PCDHGA1: variants seen among roughly 807,000 people sequenced by gnomAD.
PCDHGA1 encodes protocadherin gamma-A1.
PCDHGA1 carries 32 observed loss-of-function variants against 58.0 expected under a neutral mutation model. That is an observed-to-expected ratio of 0.55 (90% CI 0.42 to 0.74). PCDHGA1 has a LOEUF of 0.74. PCDHGA1 is among the 30% of genes least tolerant of loss of function. The pLI, the probability that PCDHGA1 is intolerant of heterozygous loss-of-function variation, is 0.00. For synonymous variants in PCDHGA1, 498 were observed against 501.1 expected (o/e 0.99, Z 0.08); for missense variants, 1,205 against 1,182.3 (o/e 1.02, Z -0.28).
In PCDHGA1 at chr5:141,414,656, C is replaced by A. The variant is rs1409573217; in HGVS notation, c.2422-80151C>A. The A allele has an allele frequency of 1.2e-5, 20 of 1,614,008 alleles. No individual in the cohort carries two copies. Among genetic ancestry groups the A allele is most frequent in the Non-Finnish European group, 1.7e-5 (20 of 1,179,888 alleles). On this transcript the variant is annotated intron_variant, in intron 1 of 3. Transcript: ENST00000517417. ...AAAGAGAATGCCCAGATTATTTACTCCCTGGCTGAAGACACCATCCAGGGG... is the reference window on the plus strand; with the variant it reads ...AAAGAGAATGCCCAGATTATTTACTACCTGGCTGAAGACACCATCCAGGGG...
At chr5:141,405,632 G>A (rs1487962714) in intron 1 of PCDHGA1, 9 of 530,162 alleles carry the variant, frequency 1.7e-5, no homozygotes, top group African/African-American at 1.2e-4. Flanking sequence ...GTGCCACCAC[G>A]CCCGGCTAAT....
intron 2 of PCDHGA1, among the ~76,000 whole-genome samples, chr5:141,499,314 A>C (rs2099791047): frequency 6.6e-6 from 1 of 152,238 alleles, no homozygotes; most frequent in Non-Finnish European, 1.5e-5. Context: ...TCTGAGAGAC[A>C]GTATCCCTGC....
At chr5:141,404,532 A>G in intron 1 of PCDHGA1, 1 of 1,613,918 alleles carries the variant, frequency 6.2e-7, no homozygotes, top group Non-Finnish European at 8.5e-7. Context: ...CAGTTTAGAG[A>G]TTTGCAAATG....
At chr5:141,355,460 C>A in intron 1 of PCDHGA1, 1 of 1,614,006 alleles carries the variant, frequency 6.2e-7, no homozygotes, top group Non-Finnish European at 8.5e-7. Context: ...TTGGTCACCG[C>A]GGGTAGGATA....
intron 1 of PCDHGA1, chr5:141,364,541 A>C: frequency 6.2e-7 from 1 of 1,614,130 alleles, no homozygotes; most frequent in African/African-American, 1.3e-5. Flanking sequence ...CTCCAGAGGT[A>C]GGACGCAGCT....
chr5:141,367,723 G>A (rs1211855605), intron 1 of PCDHGA1: 2 of 152,102 alleles, frequency 1.3e-5, no homozygotes, highest in Non-Finnish European at 2.9e-5. Flanking sequence ...GCTTCGTTCT[G>A]TGATGTAAAG....
chr5:141,361,059 T>A, intron 1 of PCDHGA1: 1 of 1,613,844 alleles, frequency 6.2e-7, no homozygotes, highest in Non-Finnish European at 8.5e-7. Flanking sequence ...ATGATTTGGA[T>A]TTTGAGATTG....
intron 1 of PCDHGA1, chr5:141,351,950 G>T (rs1343539435): frequency 1.9e-6 from 3 of 1,613,000 alleles, no homozygotes; most frequent in Admixed American, 3.3e-5. Context: ...CCCCGCGCTG[G>T]GGCCTGATGG....
At chr5:141,463,738 G>C (rs1002263384) in intron 1 of PCDHGA1, among the ~76,000 whole-genome samples, 1 of 151,978 alleles carries the variant, frequency 6.6e-6, no homozygotes, top group East Asian at 1.9e-4. Flanking sequence ...GAGCCACCGC[G>C]CCCGGCCTGC....
At position 141,472,488 on chromosome 5, in the gene PCDHGA1, C is replaced by T. The variant is rs183545662; in HGVS notation, c.2422-22319C>T. 4.0e-3 allele frequency among the ~76,000 whole-genome samples: 607 copies of T among 151,768 alleles called. 6 individuals carry two copies. The highest frequency in any genetic ancestry group is 0.011 in the Admixed American group (174 of 15,254). On this transcript the variant is annotated intron_variant, in intron 1 of 3. Coordinates refer to ENST00000517417, the MANE Select transcript of PCDHGA1 (RefSeq NM_018912.3). Reference sequence around the variant, plus strand: ...CCAGAAGGCAGAGCTTGCAGTGAGACGAGATCGTGCCACTGCACTCCAGCC... The same window carrying T: ...CCAGAAGGCAGAGCTTGCAGTGAGATGAGATCGTGCCACTGCACTCCAGCC...
chr5:141,342,531 G>GATT (rs1757175311), intron 1 of PCDHGA1: 1 of 152,080 alleles, frequency 6.6e-6, no homozygotes, highest in African/African-American at 2.4e-5. Context: ...TCTTTCCGTT[G>GATT]CATTTGATCA....
At chr5:141,416,253 A>G (rs1399251065) in intron 1 of PCDHGA1, 1 of 152,312 alleles carries the variant, frequency 6.6e-6, no homozygotes, top group Non-Finnish European at 1.5e-5. Flanking sequence ...AACTGATAAC[A>G]CTGCAGTATC....
intron 1 of PCDHGA1, chr5:141,361,827 C>A: frequency 6.2e-7 from 1 of 1,612,982 alleles, no homozygotes. Flanking sequence ...GGGTGCTGTA[C>A]CCCGCGCTGG....
At chr5:141,352,275 G>A in intron 1 of PCDHGA1, 2 of 1,614,086 alleles carry the variant, frequency 1.2e-6, no homozygotes, top group Non-Finnish European at 1.7e-6. Flanking sequence ...CCAGACCTCA[G>A]CGACCGCCCT....
At chr5:141,385,430 A>G (rs1781192913) in intron 1 of PCDHGA1, 1 of 1,458,668 alleles carries the variant, frequency 6.9e-7, no homozygotes. Context: ...AAAACTTTAT[A>G]GAGGTAAAAA....
chr5:141,384,596 C>G, intron 1 of PCDHGA1: 1 of 1,614,240 alleles, frequency 6.2e-7, no homozygotes, highest in Non-Finnish European at 8.5e-7. Flanking sequence ...CTGTACCCGG[C>G]CCTCCCCACA....
intron 1 of PCDHGA1, chr5:141,350,904 G>A: frequency 6.2e-7 from 1 of 1,614,054 alleles, no homozygotes; most frequent in Non-Finnish European, 8.5e-7. Flanking sequence ...ATGGATGGCG[G>A]GGACCCGCCT....
chr5:141,399,691 C>T (rs2093867392), intron 1 of PCDHGA1: 1 of 1,613,362 alleles, frequency 6.2e-7, no homozygotes, highest in Admixed American at 1.7e-5. Flanking sequence ...CGAGCAGCTG[C>T]GCACCTTCGA....
chr5:141,427,220 T>G (rs1487350481), intron 1 of PCDHGA1: 1 of 456,710 alleles, frequency 2.2e-6, no homozygotes, highest in East Asian at 6.9e-5. Flanking sequence ...TTCGTAGCAG[T>G]TATACCATGA....
Sources: gnomAD v4.1 joint callset for allele counts (sites outside exome capture counted in the v4.1 genomes callset) on GRCh38, gnomAD v4.1.1 for gene constraint, MANE v1.5 for transcripts, NCBI Gene and HGNC (gene_info 2026-07-23, HGNC 2026-07-21) for gene names.